ATP8A1: variants seen among roughly 807,000 people sequenced by gnomAD.
The protein encoded by ATP8A1 is phospholipid-transporting ATPase IA.
In ATP8A1, 90 loss-of-function variants were observed where a neutral mutation model predicts 177.7. The ratio of observed to expected loss-of-function variants is 0.51; its 90% CI spans 0.43 to 0.60. ATP8A1 has a LOEUF of 0.60. Among genes scored for constraint, ATP8A1 ranks in the 20% least tolerant of loss-of-function variants. The probability of loss-of-function intolerance (pLI) is 0.00; values close to 1 mark genes in which losing one functional copy is unlikely to be tolerated. For missense variants in ATP8A1, 1,072 were observed against 1,392.8 expected, an observed-to-expected ratio of 0.77 and a Z score of 3.67; for synonymous variants, 493 against 485.9, an observed-to-expected ratio of 1.01 and a Z score of -0.19.
At chr4:42,621,355 G>A (rs1737446350) in intron 4 of ATP8A1, among the ~76,000 whole-genome samples, 1 of 152,222 alleles carries the variant, frequency 6.6e-6, no homozygotes, top group Admixed American at 6.5e-5. Context: ...ATCCTCTATA[G>A]AAAAAGTGTT....
intron 24 of ATP8A1, among the ~76,000 whole-genome samples, chr4:42,492,239 A>G (rs1426973147): frequency 6.6e-6 from 1 of 152,216 alleles, no homozygotes; most frequent in East Asian, 1.9e-4. Flanking sequence ...AATCTGTTAA[A>G]TGTGTGCAGG....
chr4:42,528,667 C>G (rs1726957144), intron 20 of ATP8A1, among the ~76,000 whole-genome samples: 2 of 152,118 alleles, frequency 1.3e-5, no homozygotes, highest in Non-Finnish European at 2.9e-5. Context: ...CATACCTTTA[C>G]TGTCCTACCC....
intron 32 of ATP8A1, 56 bp downstream of exon 32, chr4:42,444,522 G>C: frequency 6.6e-7 from 1 of 1,517,916 alleles, no homozygotes; most frequent in Non-Finnish European, 9.1e-7. Flanking sequence ...ACCAAGACTG[G>C]AGATAATGCA....
intron 1 of ATP8A1, among the ~76,000 whole-genome samples, chr4:42,641,514 T>TA (rs1393297598): frequency 1.1e-4 from 17 of 151,806 alleles, no homozygotes; most frequent in African/African-American, 3.9e-4. Flanking sequence ...TTTTTTTTTT[T>TA]AAGACAACTA....
intron 24 of ATP8A1, among the ~76,000 whole-genome samples, chr4:42,502,363 A>C (rs1723940630): frequency 6.6e-6 from 1 of 152,220 alleles, no homozygotes; most frequent in Non-Finnish European, 1.5e-5. Flanking sequence ...CAACACAATG[A>C]ATATTTTTGA....
At chr4:42,553,476 G>A (rs1729717513) in intron 16 of ATP8A1, among the ~76,000 whole-genome samples, 2 of 152,194 alleles carry the variant, frequency 1.3e-5, no homozygotes, top group Admixed American at 1.3e-4. Context: ...TGAGAAGACA[G>A]AAGGGTGTAT....
At chr4:42,630,061 C>T (rs958079323) in intron 1 of ATP8A1, among the ~76,000 whole-genome samples, 4 of 152,158 alleles carry the variant, frequency 2.6e-5, no homozygotes, top group African/African-American at 9.7e-5. Flanking sequence ...CAATATGCAC[C>T]AGATAATTCT....
At chr4:42,566,264 A>C (rs1476957329) in intron 15 of ATP8A1, among the ~76,000 whole-genome samples, 1 of 152,210 alleles carries the variant, frequency 6.6e-6, no homozygotes, top group Non-Finnish European at 1.5e-5. Context: ...CGGGCAGTAA[A>C]ATACACATAA....
intron 1 of ATP8A1, among the ~76,000 whole-genome samples, chr4:42,637,382 C>A (rs1405098327): frequency 2.6e-5 from 4 of 152,176 alleles, no homozygotes; most frequent in African/African-American, 9.7e-5. Flanking sequence ...TTTTCCACAT[C>A]CCTACCTTCT....
At chr4:42,524,210 G>C (rs1316643750) in intron 21 of ATP8A1, among the ~76,000 whole-genome samples, 1 of 152,164 alleles carries the variant, frequency 6.6e-6, no homozygotes, top group Non-Finnish European at 1.5e-5. Flanking sequence ...ACAGAGCAAA[G>C]CTTGTTTATC....
At chr4:42,562,641 T>A (rs1295978404) in intron 15 of ATP8A1, among the ~76,000 whole-genome samples, 2 of 152,258 alleles carry the variant, frequency 1.3e-5, no homozygotes, top group African/African-American at 4.8e-5. Context: ...ATTGTTTGGC[T>A]GTGTTCCCAC....
chr4:42,524,624 T>G, intron 21 of ATP8A1, 139 bp downstream of exon 21: 1 of 499,102 alleles, frequency 2.0e-6, no homozygotes, highest in African/African-American at 2.0e-5. Context: ...GAACAGCATA[T>G]AGTAAAATCT....
At chr4:42,580,947 G>T (rs140982002) in intron 10 of ATP8A1, among the ~76,000 whole-genome samples, 15 of 152,240 alleles carry the variant, frequency 9.9e-5, no homozygotes, top group African/African-American at 3.6e-4. Flanking sequence ...AATTTAAAAA[G>T]TTGACTATTG....
intron 1 of ATP8A1, among the ~76,000 whole-genome samples, chr4:42,628,523 G>A (rs1738361967): frequency 6.6e-6 from 1 of 152,126 alleles, no homozygotes; most frequent in Non-Finnish European, 1.5e-5. Context: ...GAGGGGCACA[G>A]GGTGAGAGGC....
At chr4:42,417,027 G>T (rs1713320697) in intron 35 of ATP8A1, among the ~76,000 whole-genome samples, 1 of 152,070 alleles carries the variant, frequency 6.6e-6, no homozygotes. Flanking sequence ...CTAGATTTTT[G>T]TTGTTTTGTT....
chr4:42,604,677 GTATACCCAAGCAAACGGAAAACA>G (rs765827004), intron 5 of ATP8A1, among the ~76,000 whole-genome samples: 4 of 152,214 alleles, frequency 2.6e-5, no homozygotes, highest in Non-Finnish European at 5.9e-5. Context: ...ACTACTAGGT[GTATACCCAAGCAAACGGAAAACA>G]TATGTTCACA....
At chr4:42,413,997 CCCAAGGGGATCACATCT>C (rs1712932690) in intron 36 of ATP8A1, among the ~76,000 whole-genome samples, 2 of 152,172 alleles carry the variant, frequency 1.3e-5, no homozygotes, top group Admixed American at 6.5e-5. Flanking sequence ...AGGAATGGCC[CCCAAGGGGATCACATCT>C]TTAGAAAAGG....
intron 5 of ATP8A1, among the ~76,000 whole-genome samples, chr4:42,608,590 C>T (rs6813060): frequency 0.29 from 43,965 of 151,998 alleles, 6,487 homozygotes; most frequent in East Asian, 0.48. Context: ...GAACTCCTGA[C>T]CTTGTGATCT....
chr4:42,636,156 A>ACG (rs1553920759), intron 1 of ATP8A1, among the ~76,000 whole-genome samples: 1 of 90,898 alleles, frequency 1.1e-5, no homozygotes, highest in South Asian at 4.2e-4. Context: ...ACACACACAC[A>ACG]CGCACACACA....
Sources: gnomAD v4.1 joint callset for allele counts (sites outside exome capture counted in the v4.1 genomes callset) on GRCh38, gnomAD v4.1.1 for gene constraint, MANE v1.5 for transcripts, NCBI Gene and HGNC (gene_info 2026-07-23, HGNC 2026-07-21) for gene names.